The following SLC67A1 variants were observed in gnomAD, a reference collection of about 807,000 sequenced individuals.
SLC67A1 encodes the protein solute carrier family 67 member 1.
chr11:2,905,444 C>G, the SLC67A1 span, among the ~76,000 whole-genome samples: 4 of 152,130 alleles, frequency 2.6e-5, no homozygotes, highest in Non-Finnish European at 5.9e-5. Context: ...GGTTTTTTGT[C>G]CTTGCAATAG....
the SLC67A1 span, chr11:2,922,316 A>C: frequency 6.6e-7 from 1 of 1,503,876 alleles, no homozygotes; most frequent in Non-Finnish European, 9.1e-7. Flanking sequence ...CCCCACACCC[A>C]CCCGGGGCCA....
At chr11:2,901,813 T>G in the SLC67A1 span, among the ~76,000 whole-genome samples, 1 of 152,186 alleles carries the variant, frequency 6.6e-6, no homozygotes, top group Non-Finnish European at 1.5e-5. Context: ...GTGCAGACCT[T>G]TGGCAGGGCC....
chr11:2,902,781 C>G, the SLC67A1 span: 1 of 975,352 alleles, frequency 1.0e-6, no homozygotes. Context: ...CAAGACCATT[C>G]CAGAAGCCCC....
the SLC67A1 span, chr11:2,903,710 G>A: frequency 1.7e-6 from 1 of 591,968 alleles, no homozygotes; most frequent in Non-Finnish European, 3.0e-6. Context: ...CCAGCCCCGG[G>A]AGAAGCCATG....
the SLC67A1 span, chr11:2,922,618 G>T: frequency 2.0e-6 from 3 of 1,524,764 alleles, no homozygotes; most frequent in Non-Finnish European, 2.7e-6. Context: ...ACCCGGTGGG[G>T]ATGGGGTGGG....
chr11:2,912,286 G>A, the SLC67A1 span, among the ~76,000 whole-genome samples: 1 of 152,230 alleles, frequency 6.6e-6, no homozygotes, highest in Non-Finnish European at 1.5e-5. Context: ...CCCCTCGGGG[G>A]CTCACCGAAG....
chr11:2,921,247 A>AT, the SLC67A1 span: 1 of 150,812 alleles, frequency 6.6e-6, no homozygotes, highest in Non-Finnish European at 1.5e-5. Context: ...AAAAAAAAAA[A>AT]AGGTGTTAAA....
At chr11:2,909,303 T>C in the SLC67A1 span, 3 of 1,533,808 alleles carry the variant, frequency 2.0e-6, no homozygotes, top group South Asian at 3.6e-5. Context: ...CTGCCCGGGG[T>C]CTACCTGCTC....
chr11:2,916,562 T>A, the SLC67A1 span: 1 of 1,296,184 alleles, frequency 7.7e-7, no homozygotes, highest in South Asian at 1.3e-5. Context: ...TTGGGGGATG[T>A]GGCTGGGGCG....
At chr11:2,919,058 C>A in the SLC67A1 span, 175 of 524,118 alleles carry the variant, frequency 3.3e-4, no homozygotes, top group Non-Finnish European at 5.2e-4. Flanking sequence ...TGGGTCCCTC[C>A]CTTCCAGCAC....
the SLC67A1 span, among the ~76,000 whole-genome samples, chr11:2,912,914 C>T: frequency 6.6e-6 from 1 of 152,290 alleles, no homozygotes; most frequent in South Asian, 2.1e-4. Flanking sequence ...CATGGGGGTG[C>T]CAGGGCCCTG....
At chr11:2,909,459 C>T in the SLC67A1 span, 2 of 1,437,878 alleles carry the variant, frequency 1.4e-6, no homozygotes, top group South Asian at 1.4e-5. Flanking sequence ...GGGGTCTGGC[C>T]CTAAGGGCTG....
chr11:2,916,751 C>A, the SLC67A1 span: 1 of 1,605,238 alleles, frequency 6.2e-7, no homozygotes, highest in Non-Finnish European at 8.5e-7. Context: ...GTAAGCCCCG[C>A]CAGGTACACC....
chr11:2,919,944 C>T, the SLC67A1 span: 1 of 152,766 alleles, frequency 6.5e-6, no homozygotes, highest in African/African-American at 2.4e-5. Context: ...GTCTGCCAGC[C>T]CCCCAGAACC....
chr11:2,904,471 C>T, the SLC67A1 span, among the ~76,000 whole-genome samples: 1 of 152,250 alleles, frequency 6.6e-6, no homozygotes, highest in Non-Finnish European at 1.5e-5. Flanking sequence ...GTGGGGAAGG[C>T]TGGGCAGGAG....
At chr11:2,901,863 C>T in the SLC67A1 span, among the ~76,000 whole-genome samples, 1 of 152,226 alleles carries the variant, frequency 6.6e-6, no homozygotes, top group African/African-American at 2.4e-5. Context: ...CTGACTTCTT[C>T]CCCTAACCCC....
At chr11:2,917,944 T>A in the SLC67A1 span, 3 of 1,510,926 alleles carry the variant, frequency 2.0e-6, no homozygotes, top group African/African-American at 4.1e-5. Flanking sequence ...GGGTGGGCAT[T>A]GGGACAATGG....
chr11:2,913,612 C>A, the SLC67A1 span, among the ~76,000 whole-genome samples: 237 of 152,310 alleles, frequency 1.6e-3, no homozygotes, highest in African/African-American at 5.3e-3. Context: ...ACTGCAGCAT[C>A]CTGGAGCACG....
the SLC67A1 span, among the ~76,000 whole-genome samples, chr11:2,924,047 G>A: frequency 4.6e-5 from 7 of 152,318 alleles, no homozygotes; most frequent in African/African-American, 1.7e-4. This position sits in a 1 kb window ranked among gnomAD's most constrained non-coding sequence, Gnocchi z 8.6. Context: ...CTCTGGGCAC[G>A]GGACCAGAGG....
Sources: allele counts gnomAD v4.1 joint callset (sites outside exome capture counted in the v4.1 genomes callset), GRCh38; gene constraint gnomAD v4.1.1; non-coding constraint Gnocchi (gnomAD v3.1); transcripts MANE v1.5; gene names NCBI Gene and HGNC (gene_info 2026-07-23, HGNC 2026-07-21).